The following MYO5C variants were observed in gnomAD, a reference collection of about 807,000 sequenced individuals.
MYO5C encodes the protein unconventional myosin-Vc.
In MYO5C, 194 loss-of-function variants were observed where a neutral mutation model predicts 235.7. That is an observed-to-expected ratio of 0.82 (90% confidence interval 0.73 to 0.93). The LOEUF (loss-of-function observed/expected upper bound fraction) is 0.93. Ranked by LOEUF, MYO5C falls within the 40% of genes least tolerant of loss-of-function variation. The probability of loss-of-function intolerance (pLI) is 0.00; values close to 1 mark genes in which losing one functional copy is unlikely to be tolerated. For synonymous variants in MYO5C, 707 were observed against 754.8 expected, an observed-to-expected ratio of 0.94 and a Z score of 1.04; for missense variants, 2,038 against 2,127.2, an observed-to-expected ratio of 0.96 and a Z score of 0.82.
intron 38 of MYO5C, among the ~76,000 whole-genome samples, chr15:52,199,996 A>G (rs192307186): frequency 1.3e-5 from 2 of 152,326 alleles, no homozygotes; most frequent in Admixed American, 1.3e-4. Context: ...TAAGTTCTTT[A>G]TTAACTCCTG....
At position 52,232,875 on chromosome 15, in the gene MYO5C, C is replaced by A. The variant is rs1044809006; in HGVS notation, c.2963-190G>T. 3.9e-5 allele frequency among the ~76,000 whole-genome samples: 6 copies of A among 152,062 alleles called. No homozygotes were observed. In the East Asian group the frequency reaches 1.2e-3, roughly 29 times the overall value. The stretch of plus-strand genomic sequence containing the variant: ...ATGAGGGGGTTTCAAAATAATAATT[C>A]TCACAAATTTGTCAGATTGGAATTA... On this transcript the variant is annotated intron_variant, in intron 23 of 40. Transcript: ENST00000261839.
chr15:52,256,573 A>ACACC, intron 11 of MYO5C, 66 bp downstream of exon 11: 1 of 868,816 alleles, frequency 1.2e-6, no homozygotes. Flanking sequence ...ACACACACAC[A>ACACC]CACACACACA....
At chr15:52,243,490 C>G (rs991899586) in intron 19 of MYO5C, 1 of 152,370 alleles carries the variant, frequency 6.6e-6, no homozygotes, top group African/African-American at 2.4e-5. Context: ...GGAGGGCAAG[C>G]CAGCCCAGCT....
At chr15:52,210,574 G>T (rs1269598489) in intron 35 of MYO5C, among the ~76,000 whole-genome samples, 1 of 152,088 alleles carries the variant, frequency 6.6e-6, no homozygotes, top group East Asian at 1.9e-4. Context: ...TGTGGCTAAT[G>T]GAATTTCCAC....
At position 52,233,425 on chromosome 15, in the gene MYO5C, G is replaced by A. The variant is rs191318333; in HGVS notation, c.2963-740C>T. Among the ~76,000 whole-genome samples, 494 of 152,256 alleles carry A rather than the reference G, an allele frequency of 3.2e-3. 2 individuals carry two copies. The highest frequency in any genetic ancestry group is 7.1e-3 in the Admixed American group (108 of 15,290). Reference sequence around the variant, plus strand: ...CTGGATAATTCTTTGCTGTGGAGAGGGGCTGTCCCACGCATTGCAGGATTC... The same window carrying A: ...CTGGATAATTCTTTGCTGTGGAGAGAGGCTGTCCCACGCATTGCAGGATTC... On this transcript the variant is annotated intron_variant, in intron 23 of 40. Coordinates refer to ENST00000261839, the MANE Select transcript of MYO5C (RefSeq NM_018728.4).
Position 52,278,967 on chromosome 15 carries a change from C to T in MYO5C, c.355G>A (p.Asp119Asn), listed in dbSNP as rs1204838499. Reference sequence around the variant, plus strand: ...CCGCTGTAGGCGTGGATGATGGCATCTCCGTATATTGGCAACTGCTTGTAA... The same window carrying T: ...CCGCTGTAGGCGTGGATGATGGCATTTCCGTATATTGGCAACTGCTTGTAA... ...NPYKQLPIYG[D>N]AIIHAYSGQN... The change falls in exon 4 of 41, where the codon GAT becomes AAT. Residue 119 changes from aspartate (D) to asparagine (N), a missense_variant. Coordinates refer to ENST00000261839, the MANE Select transcript of MYO5C (RefSeq NM_018728.4). The T allele has an allele frequency of 1.2e-6, 2 of 1,613,992 alleles. No individual in the cohort carries two copies. Among genetic ancestry groups the T allele is most frequent in the Non-Finnish European group, 1.7e-6 (2 of 1,179,980 alleles).
chr15:52,223,584 C>T lies in MYO5C; in HGVS notation c.3587G>A (p.Ser1196Asn). 1 of 1,614,142 alleles carries T rather than the reference C, an allele frequency of 6.2e-7. No individual in the cohort carries two copies. The change falls in exon 29 of 41, where the codon AGC (serine) becomes AAC (asparagine). Residue 1196 changes from serine (S) to asparagine (N), a missense_variant. Physicochemically the swap from Ser to Asn is conservative, Grantham distance 46. Coordinates refer to ENST00000261839, the MANE Select transcript of MYO5C (RefSeq NM_018728.4). ...LFREENDINE[S>N]IRHEVTRLTS... ...TAGCCTGGTAACTTCATGACGGATG[C>T]TTTCATTGATGTCATTTTCTTCTCT...
At chr15:52,254,868 T>C (rs182603274) in intron 11 of MYO5C, among the ~76,000 whole-genome samples, 11 of 152,200 alleles carry the variant, frequency 7.2e-5, no homozygotes, top group Admixed American at 5.2e-4. Context: ...TGACTTCAGG[T>C]GAGTTATACT....
At chr15:52,291,745 T>TTTTTTTTTTTTG (rs2037398171) in intron 1 of MYO5C, among the ~76,000 whole-genome samples, 1 of 103,714 alleles carries the variant, frequency 9.6e-6, no homozygotes, top group Non-Finnish European at 2.1e-5. Context: ...TTTTTTTTTT[T>TTTTTTTTTTTTG]TTTTTTTTTT....
At chr15:52,209,936 T>C (rs1596142011) in intron 35 of MYO5C, among the ~76,000 whole-genome samples, 1 of 152,300 alleles carries the variant, frequency 6.6e-6, no homozygotes, top group East Asian at 1.9e-4. Context: ...TTTATATTTC[T>C]TTCTTCCTAG....
In MYO5C at chr15:52,279,636, T is replaced by C. The variant is rs1211754543; in HGVS notation, c.177A>G (p.Pro59=). The part of the protein sequence containing the change: ...DYSVNPESLP[P]LRNPDILVGE... ...CCACGAGGATGTCAGGATTCCGAAG[T>C]GGAGGCAGAGATTCTGGATTGACAG... Residue 59 remains proline (P), a synonymous_variant, in exon 3 of 41, where the codon CCA becomes CCG. Coordinates refer to ENST00000261839, the MANE Select transcript of MYO5C (RefSeq NM_018728.4). The C allele has an allele frequency of 1.2e-6, 2 of 1,613,646 alleles. No homozygotes were observed. The highest frequency in any genetic ancestry group is 8.5e-7 in the Non-Finnish European group (1 of 1,179,522).
chr15:52,229,009 G>C, intron 25 of MYO5C, 124 bp downstream of exon 25: 1 of 1,058,308 alleles, frequency 9.4e-7, no homozygotes, highest in African/African-American at 1.6e-5. Flanking sequence ...AGGACTGAAG[G>C]AATCAGGCTC....
chr15:52,193,707 G>A lies in MYO5C; in HGVS notation c.*195C>T. On this transcript the variant is annotated 3_prime_UTR_variant, in exon 41 of 41. Coordinates refer to ENST00000261839, the MANE Select transcript of MYO5C (RefSeq NM_018728.4). ...AGACATGGCTTTTCCAAATACAGCT[G>A]GTGTGTGTGAATTCTTACAAAATTA... is the stretch of plus-strand genomic sequence containing the variant. 1.7e-6 allele frequency: 1 copy of A among 579,750 alleles called. No individual in the cohort carries two copies. Among genetic ancestry groups the A allele is most frequent in the East Asian group, 3.1e-5 (1 of 32,226 alleles). 35.9% of individuals were successfully genotyped at this position (579,750 alleles called of 1,614,324 possible). A position where few individuals can be genotyped will look rare whatever the true frequency, so the allele number is the denominator to read the frequency against.
At chr15:52,247,776 T>C (rs2036384916) in intron 14 of MYO5C, among the ~76,000 whole-genome samples, 184 bp from the exon 15 acceptor site, 1 of 152,196 alleles carries the variant, frequency 6.6e-6, no homozygotes, top group Non-Finnish European at 1.5e-5. Context: ...GCCCGTGACT[T>C]CTTTCCCGAG....
intron 20 of MYO5C, 130 bp from the exon 21 acceptor site, chr15:52,240,009 A>G (rs1400373913): frequency 2.2e-6 from 2 of 916,190 alleles, no homozygotes; most frequent in Non-Finnish European, 3.2e-6. Flanking sequence ...GCACAGCCGT[A>G]TTACAGCTAG....
chr15:52,249,607 C>T (rs1424795516), intron 13 of MYO5C, among the ~76,000 whole-genome samples: 1 of 152,102 alleles, frequency 6.6e-6, no homozygotes, highest in African/African-American at 2.4e-5. Flanking sequence ...AGGTTAAGAT[C>T]CAGGAACACC....
At chr15:52,231,835 T>G (rs1168870759) in intron 24 of MYO5C, among the ~76,000 whole-genome samples, 12 of 152,172 alleles carry the variant, frequency 7.9e-5, no homozygotes, top group African/African-American at 2.9e-4. Context: ...AAGCCCAGAT[T>G]GGAGTCCTTG....
At chr15:52,241,991 T>C (rs1331681338) in intron 20 of MYO5C, 57 bp downstream of exon 20, 3 of 1,522,170 alleles carry the variant, frequency 2.0e-6, no homozygotes, top group East Asian at 2.3e-5. Context: ...CCCTGTTTTG[T>C]TCTCAGTAAG....
chr15:52,228,188 G>A (rs889776810), intron 25 of MYO5C, among the ~76,000 whole-genome samples: 6 of 151,660 alleles, frequency 4.0e-5, no homozygotes, highest in Non-Finnish European at 7.4e-5. Context: ...CTGTCACCCA[G>A]GCTGGAGTGC....
Sources: allele counts gnomAD v4.1 joint callset (sites outside exome capture counted in the v4.1 genomes callset), GRCh38; gene constraint gnomAD v4.1.1; transcripts MANE v1.5; gene names NCBI Gene and HGNC (gene_info 2026-07-23, HGNC 2026-07-21).